The following ACSL4 variants were observed in gnomAD, a reference collection of about 807,000 sequenced individuals.
The protein encoded by ACSL4 is acyl-CoA synthetase long chain family member 4, also known as long-chain-fatty-acid--CoA ligase 4.
Under a neutral mutation model 49.1 loss-of-function variants are expected in ACSL4, and 9 were observed. That is an observed-to-expected ratio of 0.18 (90% CI 0.11 to 0.32). The LOEUF (loss-of-function observed/expected upper bound fraction) is 0.32, where lower values mean the gene tolerates loss of function less well. Among genes scored for constraint, ACSL4 ranks in the 10% least tolerant of loss-of-function variants. The pLI, the probability that ACSL4 is intolerant of heterozygous loss-of-function variation, is 1.00. For missense variants in ACSL4, 333 were observed against 493.7 expected, an observed-to-expected ratio of 0.67 and a Z score of 3.08; for synonymous variants, 191 against 170.3, an observed-to-expected ratio of 1.12 and a Z score of -0.95.
chrX:109,683,867 C>T (rs778740353), intron 2 of ACSL4, among the ~76,000 whole-genome samples: 44 of 112,031 alleles, frequency 3.9e-4, no homozygotes, highest in Admixed American at 2.8e-4. Flanking sequence ...TCATTATTGA[C>T]GTAAATGTCT....
chrX:109,665,940 T>C (rs1922597255), intron 11 of ACSL4, among the ~76,000 whole-genome samples: 1 of 112,223 alleles, frequency 8.9e-6, no homozygotes, highest in South Asian at 3.7e-4. Flanking sequence ...AGATGATACA[T>C]GGACAATGCT....
chrX:109,668,465 A>G (rs902624955), intron 10 of ACSL4, among the ~76,000 whole-genome samples, 192 bp from the exon 11 acceptor site: 1 of 111,943 alleles, frequency 8.9e-6, no homozygotes, highest in African/African-American at 3.3e-5. Context: ...CTCTTTAAAA[A>G]TGAAGAAAGA....
intron 15 of ACSL4, 142 bp from the exon 16 acceptor site, chrX:109,644,328 G>A: frequency 1.9e-6 from 1 of 526,365 alleles, no homozygotes; most frequent in East Asian, 3.7e-5. Context: ...TTCGGGTGTT[G>A]AATCACCAAT....
chrX:109,700,203 G>A (rs1294232842), intron 1 of ACSL4, among the ~76,000 whole-genome samples: 4 of 69,017 alleles, frequency 5.8e-5, no homozygotes, highest in Non-Finnish European at 1.0e-4. Flanking sequence ...GTGAGACTCC[G>A]TCTCAAAAAA....
chrX:109,646,109 C>A (rs1934680985), intron 15 of ACSL4, among the ~76,000 whole-genome samples: 1 of 111,755 alleles, frequency 8.9e-6, no homozygotes, highest in Non-Finnish European at 1.9e-5. Flanking sequence ...AGAATATTAT[C>A]CAGGAGAACT....
chrX:109,694,065 C>A (rs1346413818), intron 2 of ACSL4, among the ~76,000 whole-genome samples: 1 of 112,051 alleles, frequency 8.9e-6, no homozygotes, highest in Non-Finnish European at 1.9e-5. Context: ...ATTTTAACTT[C>A]TTTGTCAGCC....
At chrX:109,697,724 C>A (rs868701847) in intron 1 of ACSL4, among the ~76,000 whole-genome samples, 1 of 90,584 alleles carries the variant, frequency 1.1e-5, no homozygotes, top group Non-Finnish European at 2.1e-5. Flanking sequence ...GGGGGGGGCG[C>A]GGGGAACTTG....
intron 15 of ACSL4, among the ~76,000 whole-genome samples, chrX:109,653,967 A>C (rs1438415746): frequency 3.6e-5 from 4 of 109,917 alleles, no homozygotes; most frequent in Non-Finnish European, 5.7e-5. Context: ...ATAATTTTTA[A>C]AAAAATTTAT....
At chrX:109,718,866 T>C (rs1291724207) in intron 1 of ACSL4, among the ~76,000 whole-genome samples, 1 of 111,974 alleles carries the variant, frequency 8.9e-6, no homozygotes, top group Non-Finnish European at 1.9e-5. Context: ...AAATTCAATG[T>C]ACACTCTGGC....
At chrX:109,730,218 C>T (rs73536340) in intron 1 of ACSL4, among the ~76,000 whole-genome samples, 144 of 111,393 alleles carry the variant, frequency 1.3e-3, no homozygotes, top group African/African-American at 4.6e-3. Flanking sequence ...TTAGATAAAG[C>T]GTATTATTTC....
In ACSL4 at chrX:109,706,840, GAAGA is replaced by G. The variant is rs370836359; in HGVS notation, c.-65-10648_-65-10645del. Reference sequence around the variant, plus strand: ...AATACTACAGACCTGAACAATACTTGAAGAAAGTGATTGTTACCTTAAGTGTTCT... The same window carrying G: ...AATACTACAGACCTGAACAATACTTGAAGTGATTGTTACCTTAAGTGTTCT... On this transcript the variant is annotated intron_variant, in intron 1 of 15. Transcript: ENST00000672401. Among the ~76,000 whole-genome samples the G allele has an allele frequency of 3.5e-3, 398 of 112,337 alleles. 4 individuals are homozygous for G. Among genetic ancestry groups the G allele is most frequent in the African/African-American group, 0.011 (342 of 30,964 alleles).
intron 10 of ACSL4, among the ~76,000 whole-genome samples, chrX:109,668,659 TACTAC>T (rs914545556): frequency 1.8e-5 from 2 of 112,103 alleles, no homozygotes; most frequent in African/African-American, 6.5e-5. Context: ...TTCATATACT[TACTAC>T]ACTATTTTAT....
intron 8 of ACSL4, 77 bp from the exon 9 acceptor site, chrX:109,674,550 T>C: frequency 1.5e-6 from 1 of 687,627 alleles, no homozygotes; most frequent in Non-Finnish European, 2.3e-6. Context: ...TAATAACAAA[T>C]ACAGAAGTTA....
chrX:109,717,622 C>G (rs1198370165), intron 1 of ACSL4, among the ~76,000 whole-genome samples: 1 of 111,772 alleles, frequency 8.9e-6, no homozygotes, highest in Non-Finnish European at 1.9e-5. Flanking sequence ...GAGCCTTGTG[C>G]CAAGCCCAGA....
At chrX:109,652,078 A>G (rs1921189955) in intron 15 of ACSL4, among the ~76,000 whole-genome samples, 1 of 111,771 alleles carries the variant, frequency 8.9e-6, no homozygotes, top group African/African-American at 3.2e-5. Flanking sequence ...CAATTTTCAT[A>G]GCCATTAGTA....
chrX:109,704,940 TCACACACA>T (rs57647601), intron 1 of ACSL4, among the ~76,000 whole-genome samples: 1 of 106,777 alleles, frequency 9.4e-6, no homozygotes, highest in Non-Finnish European at 1.9e-5. Context: ...TCTCTCTCTC[TCACACACA>T]CACACACACA....
At chrX:109,713,003 G>A (rs757255551) in intron 1 of ACSL4, among the ~76,000 whole-genome samples, 19 of 105,817 alleles carry the variant, frequency 1.8e-4, no homozygotes, top group Non-Finnish European at 3.7e-4. Flanking sequence ...AGGGAGGGAG[G>A]GAAGGAGGAG....
At chrX:109,656,704 T>A (rs764069177) in intron 15 of ACSL4, among the ~76,000 whole-genome samples, 1 of 110,051 alleles carries the variant, frequency 9.1e-6, no homozygotes, top group Non-Finnish European at 1.9e-5. Context: ...TGACATTTTT[T>A]AAACTATATA....
At chrX:109,705,215 G>A (rs749089228) in intron 1 of ACSL4, among the ~76,000 whole-genome samples, 12 of 112,002 alleles carry the variant, frequency 1.1e-4, no homozygotes, top group Admixed American at 3.8e-4. Flanking sequence ...TCATTCTCTA[G>A]GGAAAAATGA....
Sources: allele counts gnomAD v4.1 joint callset (sites outside exome capture counted in the v4.1 genomes callset), GRCh38; gene constraint gnomAD v4.1.1; transcripts MANE v1.5; gene names NCBI Gene and HGNC (gene_info 2026-07-23, HGNC 2026-07-21).